Variants in IMMP2L observed in about 807,000 individuals in gnomAD.
IMMP2L encodes the protein inner mitochondrial membrane peptidase subunit 2.
In IMMP2L, 18 loss-of-function variants were observed where a neutral mutation model predicts 19.3. The observed-to-expected ratio is 0.93, with a 90% confidence interval of 0.64 to 1.38. The LOEUF (loss-of-function observed/expected upper bound fraction) is 1.38. Among genes scored for constraint, IMMP2L ranks in the 40% most tolerant of loss-of-function variants. IMMP2L has a pLI of 0.00. For synonymous variants in IMMP2L, 76 were observed against 73.0 expected, an observed-to-expected ratio of 1.04 and a Z score of -0.21; for missense variants, 233 against 218.2, an observed-to-expected ratio of 1.07 and a Z score of -0.43.
chr7:111,023,018 T>C (rs1826444581), intron 3 of IMMP2L, among the ~76,000 whole-genome samples: 1 of 152,156 alleles, frequency 6.6e-6, no homozygotes, highest in African/African-American at 2.4e-5. Context: ...GCTCATGCCC[T>C]CAGTAGAAAA....
chr7:111,539,264 AAGAAAG>A (rs1293279913), intron 1 of IMMP2L, among the ~76,000 whole-genome samples: 7 of 144,834 alleles, frequency 4.8e-5, no homozygotes, highest in East Asian at 2.0e-4. Flanking sequence ...GAAAGAAAGA[AAGAAAG>A]AGAACATACG....
intron 3 of IMMP2L, among the ~76,000 whole-genome samples, chr7:111,150,439 C>T (rs927208811): frequency 1.3e-5 from 2 of 152,022 alleles, no homozygotes; most frequent in South Asian, 2.1e-4. Context: ...CATTAAAGAT[C>T]GTGAAAAAAC....
chr7:111,308,505 A>G (rs554257599), intron 3 of IMMP2L, among the ~76,000 whole-genome samples: 8 of 151,920 alleles, frequency 5.3e-5, no homozygotes, highest in Non-Finnish European at 1.2e-4. Flanking sequence ...CTTTATTTCT[A>G]TGTATGGAGA....
intron 3 of IMMP2L, among the ~76,000 whole-genome samples, chr7:110,999,035 G>T (rs1823344877): frequency 6.6e-6 from 1 of 152,124 alleles, no homozygotes; most frequent in Admixed American, 6.6e-5. Flanking sequence ...ACCATTTTAA[G>T]TTGGAAAATA....
chr7:110,722,258 G>T (rs1004552334), intron 5 of IMMP2L, among the ~76,000 whole-genome samples: 9 of 152,022 alleles, frequency 5.9e-5, no homozygotes, highest in African/African-American at 2.2e-4. Flanking sequence ...TAATAGCAGT[G>T]GGAACAGTAC....
chr7:111,071,271 C>A (rs1794925188), intron 3 of IMMP2L, among the ~76,000 whole-genome samples: 1 of 151,934 alleles, frequency 6.6e-6, no homozygotes, highest in African/African-American at 2.4e-5. Context: ...AAATGTAACC[C>A]TCATACATAG....
intron 5 of IMMP2L, among the ~76,000 whole-genome samples, chr7:110,706,044 TG>T (rs1051454823): frequency 6.6e-6 from 1 of 152,114 alleles, no homozygotes. Flanking sequence ...CATGTCTTTT[TG>T]GTAGAATGAT....
At chr7:111,444,812 T>G (rs918935371) in intron 3 of IMMP2L, among the ~76,000 whole-genome samples, 2 of 152,102 alleles carry the variant, frequency 1.3e-5, no homozygotes, top group Non-Finnish European at 2.9e-5. Flanking sequence ...CATAATGCAG[T>G]GGTCTTCAAA....
intron 3 of IMMP2L, among the ~76,000 whole-genome samples, chr7:111,111,921 T>TTATATA (rs140449960): frequency 7.6e-5 from 11 of 144,088 alleles, no homozygotes; most frequent in African/African-American, 2.8e-4. Flanking sequence ...TATATTTTAT[T>TTATATA]TATATATATA....
intron 3 of IMMP2L, among the ~76,000 whole-genome samples, chr7:111,343,409 C>A (rs906394036): frequency 6.6e-6 from 1 of 152,060 alleles, no homozygotes; most frequent in South Asian, 2.1e-4. Flanking sequence ...GCTCTAATCA[C>A]AAGCTATCAC....
chr7:111,361,492 A>G (rs1364180357), intron 3 of IMMP2L, among the ~76,000 whole-genome samples: 1 of 152,172 alleles, frequency 6.6e-6, no homozygotes, highest in African/African-American at 2.4e-5. Flanking sequence ...CAGTTGCAGC[A>G]TAACTGAGTA....
chr7:110,904,694 C>T lies in IMMP2L; in HGVS notation c.306-17999G>A, dbSNP rs183693332. 1.7e-3 allele frequency among the ~76,000 whole-genome samples: 258 copies of T among 152,286 alleles called. 1 individual carries two copies. Among genetic ancestry groups the T allele is most frequent in the African/African-American group, 6.1e-3 (253 of 41,564 alleles). ...AGACCTAATTACATTCAACTCATCC[C>T]CTTGTTTTATGGGCTTGCCATAGAA... On this transcript the variant is annotated intron_variant, in intron 4 of 5. Transcript: ENST00000405709.
chr7:111,124,852 C>G (rs769476294), intron 3 of IMMP2L: 2 of 1,609,986 alleles, frequency 1.2e-6, no homozygotes, highest in Middle Eastern at 1.7e-4. Context: ...AAGTACATCA[C>G]TGAAAGTAAA....
At chr7:110,865,676 C>T (rs774520121) in intron 5 of IMMP2L, among the ~76,000 whole-genome samples, 4 of 151,908 alleles carry the variant, frequency 2.6e-5, no homozygotes, top group African/African-American at 7.2e-5. Context: ...TAGGCAGCAC[C>T]GATGAACCCC....
At chr7:111,206,744 C>A (rs977333391) in intron 3 of IMMP2L, among the ~76,000 whole-genome samples, 6 of 152,128 alleles carry the variant, frequency 3.9e-5, no homozygotes, top group African/African-American at 1.4e-4. Context: ...AGATCTTATT[C>A]ATTCTTTCTT....
At chr7:111,421,267 CTT>C (rs1227013257) in intron 3 of IMMP2L, among the ~76,000 whole-genome samples, 4 of 122,914 alleles carry the variant, frequency 3.3e-5, no homozygotes, top group East Asian at 2.4e-4. Context: ...TTGTTTTTTT[CTT>C]TTTTTTTTTT....
At chr7:111,343,313 C>A (rs139468130) in intron 3 of IMMP2L, among the ~76,000 whole-genome samples, 1 of 152,066 alleles carries the variant, frequency 6.6e-6, no homozygotes, top group Non-Finnish European at 1.5e-5. Context: ...ACTTCTGTGA[C>A]TTTTCCTTTC....
At chr7:110,783,598 G>A (rs913361812) in intron 5 of IMMP2L, among the ~76,000 whole-genome samples, 18 of 151,984 alleles carry the variant, frequency 1.2e-4, no homozygotes, top group African/African-American at 4.3e-4. Flanking sequence ...CTTACTCAAT[G>A]GAAGTGTGAA....
intron 3 of IMMP2L, among the ~76,000 whole-genome samples, chr7:111,243,514 AT>A (rs11427623): frequency 0.072 from 10,227 of 141,634 alleles, 419 homozygotes; most frequent in African/African-American, 0.11. Context: ...TTGTTGCTTT[AT>A]TTTTTTTTTT....
Sources: gnomAD v4.1 joint callset for allele counts (sites outside exome capture counted in the v4.1 genomes callset) on GRCh38, gnomAD v4.1.1 for gene constraint, MANE v1.5 for transcripts, NCBI Gene and HGNC (gene_info 2026-07-23, HGNC 2026-07-21) for gene names.